LRRC4C: variants seen among roughly 807,000 people sequenced by gnomAD.
The protein encoded by LRRC4C is leucine-rich repeat-containing protein 4C.
Under a neutral mutation model 33.6 loss-of-function variants are expected in LRRC4C, and 5 were observed. The ratio of observed to expected loss-of-function variants is 0.15; its 90% CI spans 0.08 to 0.31. LRRC4C has a LOEUF of 0.31. Ranked by LOEUF, LRRC4C falls within the 10% of genes least tolerant of loss-of-function variation. The pLI is 1.00. For synonymous variants in LRRC4C, 329 were observed against 302.0 expected, an observed-to-expected ratio of 1.09 and a Z score of -0.93; for missense variants, 560 against 796.7, an observed-to-expected ratio of 0.70 and a Z score of 3.58.
chr11:40,114,259 T>G lies in LRRC4C; in HGVS notation c.*111A>C. 1 of 1,232,676 alleles carries G rather than the reference T, an allele frequency of 8.1e-7. No homozygotes were observed. The highest frequency in any genetic ancestry group is 1.1e-6 in the Non-Finnish European group (1 of 920,918). 76.4% of individuals were successfully genotyped at this position (1,232,676 alleles called of 1,614,324 possible). A position where few individuals can be genotyped will look rare whatever the true frequency, so the allele number is the denominator to read the frequency against. ...AAATAAATTTCTTTTCTTTTTTGTT[T>G]TTTTGTAAAGACACTTTTTTGAAAC... On this transcript the variant is annotated 3_prime_UTR_variant, in exon 7 of 7. Transcript: ENST00000528697.
chr11:41,400,059 C>T (rs1953966884), intron 1 of LRRC4C, among the ~76,000 whole-genome samples: 1 of 151,904 alleles, frequency 6.6e-6, no homozygotes, highest in African/African-American at 2.4e-5. Flanking sequence ...AGGAAAGTCT[C>T]ATGCAAGAAT....
intron 3 of LRRC4C, among the ~76,000 whole-genome samples, chr11:40,548,792 C>A (rs1957024636): frequency 6.6e-6 from 1 of 152,004 alleles, no homozygotes; most frequent in African/African-American, 2.4e-5. Context: ...TTTACAACAA[C>A]CCTATGTAAT....
chr11:40,447,681 C>T (rs1403598322), intron 3 of LRRC4C, among the ~76,000 whole-genome samples: 1 of 152,178 alleles, frequency 6.6e-6, no homozygotes, highest in Non-Finnish European at 1.5e-5. Flanking sequence ...TAAGCAAACT[C>T]TCCGTCTCTA....
chr11:41,241,783 T>C (rs1413701503), intron 1 of LRRC4C, among the ~76,000 whole-genome samples: 1 of 152,158 alleles, frequency 6.6e-6, no homozygotes, highest in Non-Finnish European at 1.5e-5. Context: ...GACCGGTCTA[T>C]CTTTTGAAAG....
chr11:40,834,129 T>TCA (rs1952547003), intron 2 of LRRC4C, among the ~76,000 whole-genome samples: 1 of 152,094 alleles, frequency 6.6e-6, no homozygotes, highest in Non-Finnish European at 1.5e-5. Flanking sequence ...AAAAATAATC[T>TCA]CACAGAATTA....
intron 3 of LRRC4C, among the ~76,000 whole-genome samples, chr11:40,367,493 T>G (rs1180851700): frequency 6.6e-6 from 1 of 152,022 alleles, no homozygotes; most frequent in Admixed American, 6.6e-5. Flanking sequence ...TTCTGTCTTA[T>G]TTTTTTCACA....
intron 3 of LRRC4C, among the ~76,000 whole-genome samples, chr11:40,554,905 T>C (rs2135468420): frequency 6.7e-6 from 1 of 150,290 alleles, no homozygotes; most frequent in East Asian, 1.9e-4. Context: ...GTATTTTTAG[T>C]AGAGACGGGG....
chr11:40,290,789 G>A (rs889896872), intron 4 of LRRC4C, among the ~76,000 whole-genome samples: 1 of 152,158 alleles, frequency 6.6e-6, no homozygotes, highest in Non-Finnish European at 1.5e-5. Context: ...AAGAGGGAGA[G>A]AGGGAGGAAG....
intron 1 of LRRC4C, among the ~76,000 whole-genome samples, chr11:40,994,505 G>A (rs1164791173): frequency 6.6e-6 from 1 of 152,020 alleles, no homozygotes; most frequent in Non-Finnish European, 1.5e-5. Context: ...TGGCTTGGAG[G>A]TTCACAATTT....
At chr11:40,702,600 C>G (rs1945922911) in intron 2 of LRRC4C, among the ~76,000 whole-genome samples, 1 of 152,092 alleles carries the variant, frequency 6.6e-6, no homozygotes, top group Non-Finnish European at 1.5e-5. Flanking sequence ...GTCCATGTTT[C>G]CCTGTCCTCA....
chr11:41,066,345 G>A (rs1056241946), intron 1 of LRRC4C, among the ~76,000 whole-genome samples: 1 of 151,960 alleles, frequency 6.6e-6, no homozygotes, highest in Non-Finnish European at 1.5e-5. Flanking sequence ...TCTTAAATAA[G>A]GCATGCAGAC....
chr11:41,039,726 G>T (rs1207241330), intron 1 of LRRC4C, among the ~76,000 whole-genome samples: 1 of 152,132 alleles, frequency 6.6e-6, no homozygotes, highest in Non-Finnish European at 1.5e-5. Flanking sequence ...CTAGAATGAA[G>T]TAAGGAAACC....
At position 41,340,748 on chromosome 11, in the gene LRRC4C, ATTG is replaced by A. The variant is rs143484020; in HGVS notation, c.-496+118680_-496+118682del. ...TGGCAATAAAGATGGAGCTTATAGCATTGTTGTGGAGATTAAATGAGAAAATTT... is the reference window on the plus strand; with the variant it reads ...TGGCAATAAAGATGGAGCTTATAGCATTGTGGAGATTAAATGAGAAAATTT... On this transcript the variant is annotated intron_variant, in intron 1 of 6. Coordinates refer to ENST00000528697, the MANE Select transcript of LRRC4C (RefSeq NM_001258419.2). Among the ~76,000 whole-genome samples, 1,141 of 152,314 alleles carry A rather than the reference ATTG, an allele frequency of 7.5e-3. 8 individuals carry two copies. The highest frequency in any genetic ancestry group is 0.011 in the Non-Finnish European group (740 of 68,022).
intron 3 of LRRC4C, among the ~76,000 whole-genome samples, chr11:40,521,358 A>G (rs1347726887): frequency 1.3e-5 from 2 of 152,248 alleles, no homozygotes; most frequent in Non-Finnish European, 2.9e-5. Flanking sequence ...AATAAGAAAG[A>G]GTCAGCTTGG....
At chr11:40,393,861 G>C (rs569613681) in intron 3 of LRRC4C, among the ~76,000 whole-genome samples, 1 of 152,144 alleles carries the variant, frequency 6.6e-6, no homozygotes, top group African/African-American at 2.4e-5. Flanking sequence ...ATCCAGAAAA[G>C]TCATGAGAAG....
chr11:41,176,589 GAC>G (rs1458250481), intron 1 of LRRC4C, among the ~76,000 whole-genome samples: 1 of 152,076 alleles, frequency 6.6e-6, no homozygotes, highest in Non-Finnish European at 1.5e-5. Context: ...AGAAGAAATT[GAC>G]AGTAAATAAA....
At chr11:40,382,360 A>AAGTC (rs1184383871) in intron 3 of LRRC4C, among the ~76,000 whole-genome samples, 1 of 151,518 alleles carries the variant, frequency 6.6e-6, no homozygotes, top group Non-Finnish European at 1.5e-5. Context: ...TTTTTTAAAA[A>AAGTC]AGTCACTTTA....
intron 5 of LRRC4C, among the ~76,000 whole-genome samples, chr11:40,167,021 G>GT (rs896252279): frequency 2.0e-5 from 3 of 152,128 alleles, no homozygotes; most frequent in African/African-American, 7.2e-5. Flanking sequence ...TTCTACATTA[G>GT]TTAAGTGAAA....
Position 41,103,188 on chromosome 11 carries a change from T to C in LRRC4C, c.-495-169465A>G, listed in dbSNP as rs893974319. Among the ~76,000 whole-genome samples, 3 of 151,974 alleles carry C rather than the reference T, an allele frequency of 2.0e-5. 1 individual carries two copies. The highest frequency in any genetic ancestry group is 2.0e-4 in the Admixed American group (3 of 15,218). Reference sequence around the variant, plus strand: ...ATATGGCCTGTCACACAGCAATTGATAAGTAAAATATTATTTTTCCTAATA... The same window carrying C: ...ATATGGCCTGTCACACAGCAATTGACAAGTAAAATATTATTTTTCCTAATA... On this transcript the variant is annotated intron_variant, in intron 1 of 6. Transcript: ENST00000528697.
Sources: gnomAD v4.1 joint callset for allele counts (sites outside exome capture counted in the v4.1 genomes callset) on GRCh38, gnomAD v4.1.1 for gene constraint, MANE v1.5 for transcripts, NCBI Gene and HGNC (gene_info 2026-07-23, HGNC 2026-07-21) for gene names.